The following DDX27 variants were observed in gnomAD, a reference collection of about 807,000 sequenced individuals.
DDX27 encodes the protein probable ATP-dependent RNA helicase DDX27.
DDX27 carries 42 observed loss-of-function variants against 99.3 expected under a neutral mutation model. That is an observed-to-expected ratio of 0.42 (90% CI 0.33 to 0.55). DDX27 has a LOEUF of 0.55. Ranked by LOEUF, DDX27 falls within the 20% of genes least tolerant of loss-of-function variation. The pLI, the probability that DDX27 is intolerant of heterozygous loss-of-function variation, is 0.07. For synonymous variants in DDX27, 329 were observed against 353.8 expected (o/e 0.93, Z 0.79); for missense variants, 798 against 976.8 (o/e 0.82, Z 2.44).
chr20:49,235,176 A>G, intron 12 of DDX27, 88 bp downstream of exon 12: 1 of 1,435,548 alleles, frequency 7.0e-7, no homozygotes, highest in Non-Finnish European at 9.3e-7. Flanking sequence ...GCATTCTATT[A>G]GAACATTAGC....
At position 49,233,413 on chromosome 20, in the gene DDX27, G is replaced by A. The variant is rs974935927; in HGVS notation, c.1131+8G>A. 3.7e-6 allele frequency: 6 copies of A among 1,613,444 alleles called. No homozygotes were observed. Among genetic ancestry groups the A allele is most frequent in the South Asian group, 1.1e-5 (1 of 91,076 alleles). On this transcript the variant is annotated splice_region_variant and intron_variant, in intron 10 of 20. Coordinates refer to ENST00000618172, the MANE Select transcript of DDX27 (RefSeq NM_017895.8). ...GCCACCATGACAGACGAGGTGGGCCGAGGGACTTCTCTGTGGCGGGTGGCA... is the reference window on the plus strand; with the variant it reads ...GCCACCATGACAGACGAGGTGGGCCAAGGGACTTCTCTGTGGCGGGTGGCA...
Position 49,242,680 on chromosome 20 carries a change from G to C in DDX27, c.2203G>C (p.Gly735Arg). The C allele has an allele frequency of 1.2e-6, 2 of 1,612,188 alleles. No individual in the cohort carries two copies. The highest frequency in any genetic ancestry group is 2.2e-5 in the South Asian group (2 of 90,876). The change falls in exon 19 of 21, where the codon GGC becomes CGC. Residue 735 changes from glycine to arginine, a missense_variant and splice_region_variant. By Grantham distance (125) the Gly-to-Arg change is moderately radical. Around this residue, in one of 2 missense-constraint regions of DDX27, gnomAD observed 553 missense variants for 727.9 expected, o/e 0.76. Coordinates refer to ENST00000618172, the MANE Select transcript of DDX27 (RefSeq NM_017895.8). ...GAAGGCCCTGAAACAGTATCGAGCT[G>C]GGTAGGATTTTAAGTCATCATGGAG... is the stretch of plus-strand genomic sequence containing the variant. ...SKKALKQYRAGPSFEERKQLG... is the reference protein window; with the variant it reads ...SKKALKQYRARPSFEERKQLG...
At chr20:49,228,506 C>G (rs1979980464) in intron 7 of DDX27, among the ~76,000 whole-genome samples, 2 of 152,202 alleles carry the variant, frequency 1.3e-5, no homozygotes, top group Admixed American at 6.5e-5. Context: ...CTCCTGACCT[C>G]AGGTGATCCG....
chr20:49,229,093 A>AGT (rs769864753), intron 8 of DDX27, among the ~76,000 whole-genome samples: 81 of 139,744 alleles, frequency 5.8e-4, no homozygotes, highest in Non-Finnish European at 8.2e-4. Flanking sequence ...GCTGGAGTGC[A>AGT]GTGGCGCAAT....
In DDX27 at chr20:49,243,934, AAAAC is replaced by A. The variant is rs1201260538; in HGVS notation, c.*104_*107del. On this transcript the variant is annotated 3_prime_UTR_variant, in exon 21 of 21. Transcript: ENST00000618172. ...GTCTTTTCTCCATTTGTTTAAAAAA[AAAAC>A]AAAAACAAAAAACAACACTTTGGTG... 54 of 1,413,524 alleles carry A rather than the reference AAAAC, an allele frequency of 3.8e-5. No homozygotes were observed. Among genetic ancestry groups the A allele is most frequent in the Non-Finnish European group, 5.0e-5 (52 of 1,029,748 alleles). The allele number at this position is 1,413,524 out of a possible 1,614,324, so 87.6% of individuals were successfully genotyped here. A position where few individuals can be genotyped will look rare whatever the true frequency, so the allele number is the denominator to read the frequency against.
chr20:49,223,473 G>T, intron 4 of DDX27, 40 bp downstream of exon 4: 1 of 1,561,772 alleles, frequency 6.4e-7, no homozygotes, highest in South Asian at 1.2e-5. Context: ...GGGGACAGGA[G>T]ATCAGAAGGC....
At position 49,236,401 on chromosome 20, in the gene DDX27, T is replaced by C; in HGVS notation, c.1578T>C (p.Ala526=). 3 of 1,612,500 alleles carry C rather than the reference T, an allele frequency of 1.9e-6. No homozygotes were observed. The highest frequency in any genetic ancestry group is 2.5e-6 in the Non-Finnish European group (3 of 1,179,260). ...ACCGGGTGGGGCGAACAGCACGTGC[T>C]GGCAGGGCTGGGCGCTCAGTCTCTC... ...YVHRVGRTAR[A]GRAGRSVSLV... is the part of the protein sequence containing the mutation. Residue 526 remains alanine (A), a synonymous_variant, in exon 14 of 21, where the codon GCT becomes GCC. Transcript: ENST00000618172. The surrounding 1 kb of genome is among the most constrained non-coding windows in gnomAD (Gnocchi z 4.1).
chr20:49,220,095 G>C (rs1979586775), intron 1 of DDX27, among the ~76,000 whole-genome samples: 1 of 152,158 alleles, frequency 6.6e-6, no homozygotes, highest in African/African-American at 2.4e-5. Context: ...ATTCAGCCCA[G>C]ATGTTGTCCC....
intron 9 of DDX27, among the ~76,000 whole-genome samples, chr20:49,230,766 AC>A (rs1476075912): frequency 2.6e-5 from 4 of 151,460 alleles, no homozygotes; most frequent in Non-Finnish European, 5.9e-5. Context: ...CTCTCCCCCC[AC>A]CCCGCCCCCC....
rs770880957 is a variant in DDX27 at position 49,223,521 on chromosome 20, G to A, written c.466+88G>A. ...TTTGTAGGGTTTCCTCCACTCTTCT[G>A]CACAGTTTATCTTTAAGCTGTTCTG... On this transcript the variant is annotated intron_variant, in intron 4 of 20. Coordinates refer to ENST00000618172, the MANE Select transcript of DDX27 (RefSeq NM_017895.8). The A allele has an allele frequency of 2.2e-5, 28 of 1,284,032 alleles. No homozygotes were observed. In the South Asian group the frequency reaches 3.3e-4, roughly 15 times the overall value. 79.5% of individuals were successfully genotyped at this position (1,284,032 alleles called of 1,614,324 possible).
chr20:49,220,229 CTTAGAG>C (rs1979596840), intron 1 of DDX27, among the ~76,000 whole-genome samples: 1 of 152,080 alleles, frequency 6.6e-6, no homozygotes, highest in African/African-American at 2.4e-5. Context: ...AGCCAGAAAC[CTTAGAG>C]TTATTCTTGA....
intron 4 of DDX27, 172 bp from the exon 5 acceptor site, chr20:49,224,773 A>T: frequency 1.5e-6 from 1 of 661,964 alleles, no homozygotes; most frequent in Non-Finnish European, 2.6e-6. Context: ...CTCTGACCTT[A>T]GGCAAGTTAC....
intron 16 of DDX27, among the ~76,000 whole-genome samples, chr20:49,241,056 T>C (rs1426855167): frequency 6.6e-6 from 1 of 152,114 alleles, no homozygotes; most frequent in East Asian, 1.9e-4. Context: ...AAAATAATCA[T>C]TTGTCATTAC....
At chr20:49,221,292 C>G (rs765253017) in intron 1 of DDX27, among the ~76,000 whole-genome samples, 160 bp from the exon 2 acceptor site, 1 of 152,178 alleles carries the variant, frequency 6.6e-6, no homozygotes, top group Non-Finnish European at 1.5e-5. Context: ...TGCGTTTCAT[C>G]ATGTTGGTCA....
chr20:49,219,421 C>T lies in DDX27; in HGVS notation c.-28C>T, dbSNP rs780660739. 3.1e-6 allele frequency: 5 copies of T among 1,613,868 alleles called. No individual in the cohort carries two copies. The highest frequency in any genetic ancestry group is 1.1e-5 in the South Asian group (1 of 91,072). ...TAAGGGCCGGACCGCAGGCTGTGCT[C>T]GCTTCCGGAAGTGGCTTCTGCGACA... On this transcript the variant is annotated 5_prime_UTR_variant, in exon 1 of 21. Coordinates refer to ENST00000618172, the MANE Select transcript of DDX27 (RefSeq NM_017895.8).
In DDX27 at chr20:49,223,032, G is replaced by T; in HGVS notation, c.300+16G>T. Reference sequence around the variant, plus strand: ...GAAAACAGAGGTGAGAAGAAAAGTGGCTATTTTTCGTTGTTAGGGCCCACT... The same window carrying T: ...GAAAACAGAGGTGAGAAGAAAAGTGTCTATTTTTCGTTGTTAGGGCCCACT... On this transcript the variant is annotated intron_variant, in intron 3 of 20. Coordinates refer to ENST00000618172, the MANE Select transcript of DDX27 (RefSeq NM_017895.8). The T allele has an allele frequency of 1.2e-6, 2 of 1,609,910 alleles. No individual in the cohort carries two copies. Among genetic ancestry groups the T allele is most frequent in the Non-Finnish European group, 1.7e-6 (2 of 1,177,384 alleles).
At chr20:49,220,543 A>G (rs930417535) in intron 1 of DDX27, among the ~76,000 whole-genome samples, 2 of 152,218 alleles carry the variant, frequency 1.3e-5, no homozygotes, top group East Asian at 3.9e-4. Context: ...GGGCCTGTCC[A>G]CCTTGCAAAG....
intron 1 of DDX27, among the ~76,000 whole-genome samples, chr20:49,220,228 C>T (rs1404704115): frequency 6.6e-6 from 1 of 152,108 alleles, no homozygotes; most frequent in Admixed American, 6.6e-5. Flanking sequence ...AAGCCAGAAA[C>T]CTTAGAGTTA....
rs748961024 is a variant in DDX27 at position 49,236,505 on chromosome 20, C to T, written c.1682C>T (p.Pro561Leu). The T allele has an allele frequency of 6.3e-7, 1 of 1,582,890 alleles. No individual in the cohort carries two copies. Among genetic ancestry groups the T allele is most frequent in the East Asian group, 2.3e-5 (1 of 43,928 alleles). The stretch of plus-strand genomic sequence containing the variant: ...GCCCCTGTGAAGGCCAGGATACTTC[C>T]CCAAGGTGAGCAGGCACCCCTGTGG... ...AKAPVKARIL[P>L]QDVILKFRDK... The change falls in exon 14 of 21, where the codon CCC (proline) becomes CTC (leucine). Residue 561 changes from proline to leucine, a missense_variant. This residue lies in a region of DDX27 where 553 missense variants were observed against 727.9 expected (regional missense o/e 0.76). Coordinates refer to ENST00000618172, the MANE Select transcript of DDX27 (RefSeq NM_017895.8). This position sits in a 1 kb window ranked among gnomAD's most constrained non-coding sequence, Gnocchi z 4.1.
Sources: allele counts gnomAD v4.1 joint callset (sites outside exome capture counted in the v4.1 genomes callset), GRCh38; gene constraint gnomAD v4.1.1; regional missense constraint gnomAD v4.1.1; non-coding constraint Gnocchi (gnomAD v3.1); transcripts MANE v1.5; gene names NCBI Gene and HGNC (gene_info 2026-07-23, HGNC 2026-07-21).